Variants in TBC1D9 observed in about 807,000 individuals in gnomAD.
TBC1D9 encodes TBC1 domain family member 9.
In TBC1D9, 63 loss-of-function variants were observed where a neutral mutation model predicts 132.0. That is an observed-to-expected ratio of 0.48 (90% confidence interval 0.39 to 0.59). The LOEUF is 0.59. Among genes scored for constraint, TBC1D9 ranks in the 20% least tolerant of loss-of-function variants. The probability of loss-of-function intolerance (pLI) is 0.00; values close to 1 mark genes in which losing one functional copy is unlikely to be tolerated. For missense variants in TBC1D9, 1,261 were observed against 1,592.7 expected (o/e 0.79, Z 3.54); for synonymous variants, 610 against 609.9 (o/e 1.00, Z 0.00).
chr4:140,696,254 C>T (rs998923933), intron 2 of TBC1D9, among the ~76,000 whole-genome samples: 11 of 151,738 alleles, frequency 7.2e-5, no homozygotes, highest in Admixed American at 2.6e-4. Flanking sequence ...GTCAGGAGTT[C>T]GAGACCAGCC....
chr4:140,634,225 T>G (rs867339309), intron 15 of TBC1D9, 37 bp from the exon 16 acceptor site: 4 of 1,598,304 alleles, frequency 2.5e-6, no homozygotes, highest in African/African-American at 1.3e-5. Context: ...GACCCTCTTT[T>G]GCAGCAAATA....
rs765961030 is a variant in TBC1D9, at chr4:140,678,947, T to C, written c.846A>G (p.Leu282=). The C allele has an allele frequency of 6.2e-7, 1 of 1,613,824 alleles. No homozygotes were observed. Among genetic ancestry groups the C allele is most frequent in the Non-Finnish European group, 8.5e-7 (1 of 1,179,760 alleles). Residue 282 remains leucine (L), a synonymous_variant, in exon 5 of 21, where the codon CTA becomes CTG. Transcript: ENST00000442267. ...ACAAGGTCTCTATCACCCACCGTTT[T>C]AGAGCAGACACTTTTTTAGGAGATT... ...KRKSPKKVSA[L]KRDLDARAKS... is the part of the protein sequence containing the mutation.
At chr4:140,698,090 G>A (rs1738003388) in intron 2 of TBC1D9, among the ~76,000 whole-genome samples, 1 of 152,186 alleles carries the variant, frequency 6.6e-6, no homozygotes, top group African/African-American at 2.4e-5. Flanking sequence ...TTCATCTGCT[G>A]ACTATGAAAC....
At chr4:140,734,698 G>A (rs1041801160) in intron 1 of TBC1D9, among the ~76,000 whole-genome samples, 6 of 152,114 alleles carry the variant, frequency 3.9e-5, no homozygotes, top group Non-Finnish European at 8.8e-5. Flanking sequence ...TGGAGGTTGA[G>A]GTGGGAAGAA....
In TBC1D9 at chr4:140,659,587, C is replaced by T; in HGVS notation, c.1921+1G>A. On this transcript the variant is annotated splice_donor_variant, in intron 11 of 20. Coordinates refer to ENST00000442267, the MANE Select transcript of TBC1D9 (RefSeq NM_015130.3). LOFTEE classifies it high-confidence loss of function. ...GAAATGTTAAATGCATCTCCACTTA[C>T]CCACAACTCTGGTGTTGTAGTAATC... The T allele has an allele frequency of 8.2e-6, 13 of 1,578,814 alleles. No individual in the cohort carries two copies. The highest frequency in any genetic ancestry group is 1.0e-5 in the Non-Finnish European group (12 of 1,159,292).
chr4:140,644,021 G>T, intron 13 of TBC1D9: 3 of 488,392 alleles, frequency 6.1e-6, no homozygotes, highest in Admixed American at 2.8e-5. Context: ...TCTTGGAGGG[G>T]GACAGGAGGA....
chr4:140,728,619 G>A (rs147033071), intron 1 of TBC1D9, among the ~76,000 whole-genome samples: 1 of 151,644 alleles, frequency 6.6e-6, no homozygotes, highest in Non-Finnish European at 1.5e-5. Context: ...TCAGCCTCGC[G>A]AGTAGCTGGG....
chr4:140,645,859 C>T (rs1578822474), intron 13 of TBC1D9, among the ~76,000 whole-genome samples: 3 of 152,338 alleles, frequency 2.0e-5, no homozygotes, highest in Admixed American at 2.0e-4. Context: ...TTCTCTCAGA[C>T]AGCACTGTAT....
intron 9 of TBC1D9, among the ~76,000 whole-genome samples, chr4:140,663,461 C>A (rs1408204921): frequency 2.0e-5 from 3 of 152,170 alleles, no homozygotes; most frequent in Admixed American, 2.0e-4. Flanking sequence ...TAAATTGCTA[C>A]AGCCATTACA....
At chr4:140,749,638 T>G (rs1738891317) in intron 1 of TBC1D9, among the ~76,000 whole-genome samples, 1 of 152,102 alleles carries the variant, frequency 6.6e-6, no homozygotes, top group African/African-American at 2.4e-5. Context: ...GCCTGGCCAA[T>G]ATAGTGAGAC....
chr4:140,697,493 A>G (rs1737988759), intron 2 of TBC1D9, among the ~76,000 whole-genome samples: 1 of 152,234 alleles, frequency 6.6e-6, no homozygotes, highest in African/African-American at 2.4e-5. Context: ...AGCTATCTCT[A>G]TGGGTAATCA....
At chr4:140,635,067 G>A (rs1160083566) in intron 15 of TBC1D9, among the ~76,000 whole-genome samples, 1 of 152,182 alleles carries the variant, frequency 6.6e-6, no homozygotes, top group East Asian at 1.9e-4. Flanking sequence ...AGTTAACTCT[G>A]GGTGGCAGGT....
At chr4:140,753,155 T>G (rs768132401) in intron 1 of TBC1D9, among the ~76,000 whole-genome samples, 8 of 152,210 alleles carry the variant, frequency 5.3e-5, no homozygotes, top group Non-Finnish European at 1.0e-4. Context: ...CATGTTCCTC[T>G]TCTTATGATA....
At chr4:140,657,054 G>A (rs533954141) in intron 13 of TBC1D9, 43 bp downstream of exon 13, 63 of 1,601,776 alleles carry the variant, frequency 3.9e-5, no homozygotes, top group African/African-American at 1.2e-4. Context: ...TGGAAGTGTC[G>A]AATGCATGGT....
chr4:140,623,109 G>A lies in TBC1D9; in HGVS notation c.3079-192C>T, dbSNP rs538092503. Among the ~76,000 whole-genome samples, 16 of 152,268 alleles carry A rather than the reference G, an allele frequency of 1.1e-4. No individual in the cohort carries two copies. In the South Asian group the frequency reaches 3.3e-3, roughly 32 times the overall value. On this transcript the variant is annotated intron_variant, in intron 20 of 20. Coordinates refer to ENST00000442267, the MANE Select transcript of TBC1D9 (RefSeq NM_015130.3). ...TTAATTTTTATTTCTTTTTGAGACA[G>A]GGTCTCTCTTTGTCGCCCAGGCTGG...
chr4:140,661,108 G>C lies in TBC1D9; in HGVS notation c.1803+785C>G, dbSNP rs185616982. On this transcript the variant is annotated intron_variant, in intron 10 of 20. Transcript: ENST00000442267. ...TTTTTGTATTTTTAGTAGAGACGGT[G>C]TTTCACCGTGTTAGCCAGGATGGTC... Among the ~76,000 whole-genome samples, 1,118 of 152,214 alleles carry C rather than the reference G, an allele frequency of 7.3e-3. 7 individuals carry two copies. The highest frequency in any genetic ancestry group is 0.025 in the African/African-American group (1,030 of 41,528).
chr4:140,665,899 G>T (rs2111005278), intron 9 of TBC1D9, among the ~76,000 whole-genome samples: 1 of 152,170 alleles, frequency 6.6e-6, no homozygotes, highest in South Asian at 2.1e-4. Context: ...GCCTGGGTTG[G>T]TGTCAAACTC....
At chr4:140,641,530 A>T (rs1160479048) in intron 13 of TBC1D9, among the ~76,000 whole-genome samples, 1 of 150,988 alleles carries the variant, frequency 6.6e-6, no homozygotes, top group African/African-American at 2.4e-5. Flanking sequence ...CATTTATAAA[A>T]TGTTTCTCGG....
chr4:140,666,511 A>AT (rs546792574), intron 9 of TBC1D9, among the ~76,000 whole-genome samples: 36 of 151,222 alleles, frequency 2.4e-4, no homozygotes, highest in East Asian at 1.2e-3. Flanking sequence ...AATTTTTTGT[A>AT]TTTTTTTTAG....
Sources: gnomAD v4.1 joint callset for allele counts (sites outside exome capture counted in the v4.1 genomes callset) on GRCh38, gnomAD v4.1.1 for gene constraint, MANE v1.5 for transcripts, NCBI Gene and HGNC (gene_info 2026-07-23, HGNC 2026-07-21) for gene names.